The following ARHGAP27 variants were observed in gnomAD, a reference collection of about 807,000 sequenced individuals.
ARHGAP27 encodes the protein Rho GTPase activating protein 27, also known as rho GTPase-activating protein 27.
In ARHGAP27, 53 loss-of-function variants were observed where a neutral mutation model predicts 102.0. That is an observed-to-expected ratio of 0.52 (90% CI 0.42 to 0.65). The LOEUF (loss-of-function observed/expected upper bound fraction) is 0.65. Among genes scored for constraint, ARHGAP27 ranks in the 30% least tolerant of loss-of-function variants. The pLI is 0.00. For missense variants in ARHGAP27, 1,117 were observed against 1,256.2 expected, an observed-to-expected ratio of 0.89 and a Z score of 1.68; for synonymous variants, 525 against 542.8, an observed-to-expected ratio of 0.97 and a Z score of 0.46.
chr17:45,419,150 C>G (rs1210007489), intron 4 of ARHGAP27, among the ~76,000 whole-genome samples: 1 of 152,144 alleles, frequency 6.6e-6, no homozygotes, highest in African/African-American at 2.4e-5. Flanking sequence ...ACTAAAGATG[C>G]CATCACAGGT....
chr17:45,429,930 G>C lies in ARHGAP27; in HGVS notation c.350C>G (p.Ala117Gly), dbSNP rs1253080117. ...DGAPEESGGR[A>G]SSLCGPAQRG... ...TTGCGCAGGGCCGCACAGGGAGCTG[G>C]CTCGGCCTCCGGACTCCTCGGGGGC... is the stretch of plus-strand genomic sequence containing the variant. The change falls in exon 4 of 20, where the codon GCC (alanine) becomes GGC (glycine). Residue 117 changes from alanine to glycine, a missense_variant. Physicochemically the swap from Ala to Gly is moderately conservative, Grantham distance 60. Around this residue, in one of 3 missense-constraint regions of ARHGAP27, gnomAD observed 610 missense variants for 716.4 expected, o/e 0.85. Coordinates refer to ENST00000685559, the MANE Select transcript of ARHGAP27 (RefSeq NM_001282290.2). 8.8e-7 allele frequency: 1 copy of C among 1,137,248 alleles called. No individual in the cohort carries two copies. Among genetic ancestry groups the C allele is most frequent in the Non-Finnish European group, 1.1e-6 (1 of 929,766 alleles). 70.4% of individuals were successfully genotyped at this position (1,137,248 alleles called of 1,614,324 possible).
intron 15 of ARHGAP27, 34 bp downstream of exon 15, chr17:45,396,634 T>C: frequency 6.2e-7 from 1 of 1,612,226 alleles, no homozygotes; most frequent in Non-Finnish European, 8.5e-7. Flanking sequence ...CCCGTCCCGG[T>C]CCCGGGTCCC....
intron 4 of ARHGAP27, chr17:45,408,542 G>A (rs2047503491): frequency 1.3e-5 from 2 of 152,282 alleles, no homozygotes; most frequent in East Asian, 1.9e-4. Context: ...GTGTGGCTGA[G>A]AGGGGACCCT....
intron 4 of ARHGAP27, chr17:45,410,560 C>T (rs932593258): frequency 4.5e-5 from 28 of 622,200 alleles, no homozygotes; most frequent in Middle Eastern, 5.0e-4. Context: ...ACCAGTGAGC[C>T]GCATCCGAGG....
chr17:45,425,613 C>A (rs748983407), intron 4 of ARHGAP27: 15 of 985,428 alleles, frequency 1.5e-5, no homozygotes, highest in Middle Eastern at 5.2e-4. Flanking sequence ...TCCTTCCAGT[C>A]GGGGCTGCCT....
chr17:45,404,515 G>T lies in ARHGAP27; in HGVS notation c.1343C>A (p.Ala448Asp), dbSNP rs754785307. The T allele has an allele frequency of 6.2e-7, 1 of 1,613,420 alleles. No homozygotes were observed. The highest frequency in any genetic ancestry group is 1.7e-5 in the Admixed American group (1 of 59,770). Residue 448 changes from alanine (A) to aspartate (D), a missense_variant, in exon 8 of 20, where the codon GCC becomes GAC. This residue lies in a region of ARHGAP27 where 610 missense variants were observed against 716.4 expected (regional missense o/e 0.85). Transcript: ENST00000685559. The part of the protein sequence containing the change: ...RWELPQVPVP[A>D]PRSIHKSSQD... ...GCTGGATTTATGGATGCTTCGAGGG[G>T]CAGGGACAGGGACCTGGGGAGAAAG...
intron 4 of ARHGAP27, among the ~76,000 whole-genome samples, chr17:45,407,290 C>T (rs1371330762): frequency 6.6e-6 from 1 of 152,064 alleles, no homozygotes; most frequent in Admixed American, 6.6e-5. Flanking sequence ...GGCCCATCTC[C>T]ACCCCTTTTT....
intron 4 of ARHGAP27, among the ~76,000 whole-genome samples, chr17:45,414,575 A>G (rs892631407): frequency 2.7e-5 from 4 of 149,498 alleles, no homozygotes; most frequent in Non-Finnish European, 4.4e-5. Flanking sequence ...GTAGCTGGCT[A>G]GCTGGCAGTA....
intron 4 of ARHGAP27, chr17:45,410,303 A>G: frequency 1.3e-6 from 2 of 1,518,820 alleles, no homozygotes; most frequent in Non-Finnish European, 1.8e-6. Flanking sequence ...GCCCCTCTGA[A>G]CTGCCGGGAC....
At position 45,405,910 on chromosome 17, in the gene ARHGAP27, C is replaced by T; in HGVS notation, c.831G>A (p.Ser277=). 6.5e-7 allele frequency: 1 copy of T among 1,535,898 alleles called. No homozygotes were observed. The highest frequency in any genetic ancestry group is 8.7e-7 in the Non-Finnish European group (1 of 1,146,792). The change falls in exon 5 of 20, where the codon TCG becomes TCA. Residue 277 remains serine, a synonymous_variant. Coordinates refer to ENST00000685559, the MANE Select transcript of ARHGAP27 (RefSeq NM_001282290.2). ...NPDTGVTTWE[S]PFEAAEGAAS... Reference sequence around the variant, plus strand: ...CGGCACCCTCGGCAGCCTCAAAGGGCGACTCCCAGGTGGTAACTCCCGTGT... The same window carrying T: ...CGGCACCCTCGGCAGCCTCAAAGGGTGACTCCCAGGTGGTAACTCCCGTGT...
rs761989151 is a variant in ARHGAP27, at chr17:45,395,467, G to A, written c.2659C>T (p.Pro887Ser). The change falls in exon 20 of 20, where the codon CCG becomes TCG. Residue 887 changes from proline (P) to serine (S), a missense_variant. Transcript: ENST00000685559. ...LILQQCADIF[P>S]PH ...TCACAGGCCAGCAGTCAGTGCGGCGGGAAGATGTCCGCGCACTGCTGCAGG... is the reference window on the plus strand; with the variant it reads ...TCACAGGCCAGCAGTCAGTGCGGCGAGAAGATGTCCGCGCACTGCTGCAGG... The A allele has an allele frequency of 6.4e-7, 1 of 1,564,262 alleles. No individual in the cohort carries two copies. The highest frequency in any genetic ancestry group is 8.7e-7 in the Non-Finnish European group (1 of 1,153,526).
chr17:45,424,960 C>G (rs1389847583), intron 4 of ARHGAP27, among the ~76,000 whole-genome samples: 3 of 148,682 alleles, frequency 2.0e-5, no homozygotes, highest in African/African-American at 7.5e-5. Flanking sequence ...GAGAGCCAGG[C>G]ACAGGCTCCA....
intron 4 of ARHGAP27, among the ~76,000 whole-genome samples, chr17:45,423,111 G>A (rs62064645): frequency 0.12 from 18,235 of 152,134 alleles, 1,532 homozygotes; most frequent in Middle Eastern, 0.21. Context: ...AACCCAGGAG[G>A]TGGAGGTTGC....
chr17:45,412,634 A>T (rs1173458977), intron 4 of ARHGAP27, among the ~76,000 whole-genome samples: 1 of 152,138 alleles, frequency 6.6e-6, no homozygotes, highest in Non-Finnish European at 1.5e-5. Context: ...AGGAATGGTG[A>T]TCTTTGCCTC....
rs1567683985 is a variant in ARHGAP27, at chr17:45,395,435, GC to G, written c.*20del. ...CTTGTGTGGCAGGACCGCGGCCGCC[GC>G]CCCAGTCACAGGCCAGCAGTCAGTG... On this transcript the variant is annotated 3_prime_UTR_variant, in exon 20 of 20. Transcript: ENST00000685559. The G allele has an allele frequency of 6.5e-7, 1 of 1,543,800 alleles. No homozygotes were observed. Among genetic ancestry groups the G allele is most frequent in the East Asian group, 2.4e-5 (1 of 41,100 alleles).
chr17:45,416,032 G>GT (rs35276396), intron 4 of ARHGAP27, among the ~76,000 whole-genome samples: 2,455 of 143,166 alleles, frequency 0.017, 64 homozygotes, highest in African/African-American at 0.056. Flanking sequence ...TGAAGTTTTT[G>GT]TTTTTTTTTT....
At chr17:45,396,366 G>A (rs1172893615) in intron 16 of ARHGAP27, 82 bp from the exon 17 acceptor site, 19 of 1,480,010 alleles carry the variant, frequency 1.3e-5, no homozygotes, top group Non-Finnish European at 1.6e-5. Context: ...ACTCCCACTC[G>A]GGGCCTCCCG....
chr17:45,419,688 G>C (rs2048849700), intron 4 of ARHGAP27, among the ~76,000 whole-genome samples: 1 of 151,638 alleles, frequency 6.6e-6, no homozygotes, highest in Admixed American at 6.6e-5. Context: ...GACAACTCAG[G>C]GTGGGGGAGG....
chr17:45,419,088 C>A (rs1255392150), intron 4 of ARHGAP27, among the ~76,000 whole-genome samples: 1 of 152,126 alleles, frequency 6.6e-6, no homozygotes, highest in Admixed American at 6.5e-5. Context: ...CAGAGAGAAC[C>A]ACCAAACCAG....
Sources: allele counts gnomAD v4.1 joint callset (sites outside exome capture counted in the v4.1 genomes callset), GRCh38; gene constraint gnomAD v4.1.1; regional missense constraint gnomAD v4.1.1; transcripts MANE v1.5; gene names NCBI Gene and HGNC (gene_info 2026-07-23, HGNC 2026-07-21).